AVEN: variants seen among roughly 807,000 people sequenced by gnomAD.
AVEN encodes apoptosis and caspase activation inhibitor, also known as cell death regulator Aven.
AVEN carries 41 observed loss-of-function variants against 38.1 expected under a neutral mutation model. The ratio of observed to expected loss-of-function variants is 1.08; its 90% CI spans 0.84 to 1.40. AVEN has a LOEUF of 1.40. AVEN is among the 40% of genes most tolerant of loss of function. The pLI is 0.00. For missense variants in AVEN, 605 were observed against 438.8 expected (o/e 1.38, Z -3.38); for synonymous variants, 206 against 171.8 (o/e 1.20, Z -1.56).
At chr15:33,904,686 A>AT (rs1384150635) in intron 2 of AVEN, among the ~76,000 whole-genome samples, 1 of 12,068 alleles carries the variant, frequency 8.3e-5, no homozygotes, top group African/African-American at 9.0e-5. Context: ...TTTCTTTAAA[A>AT]AAAAAAAAAT....
chr15:33,957,139 G>C (rs1567433006), intron 2 of AVEN, among the ~76,000 whole-genome samples: 1 of 152,172 alleles, frequency 6.6e-6, no homozygotes, highest in Non-Finnish European at 1.5e-5. Context: ...CCCTTCTATG[G>C]CTAATATATG....
chr15:33,955,325 T>A (rs1894914681), intron 2 of AVEN, among the ~76,000 whole-genome samples: 1 of 152,222 alleles, frequency 6.6e-6, no homozygotes, highest in South Asian at 2.1e-4. Flanking sequence ...TAAATCAAGT[T>A]AACTTGTTGG....
chr15:33,860,555 C>G lies in AVEN; in HGVS notation n.2730-1461G>C, dbSNP rs2303309. The G allele has an allele frequency of 4.6e-6, 6 of 1,294,850 alleles. No homozygotes were observed. The African/African-American group carries it at 5.8e-5, about 13-fold the overall frequency. 80.2% of individuals were successfully genotyped at this position (1,294,850 alleles called of 1,614,324 possible). Reference sequence around the variant, plus strand: ...CTTTATCATTCCTCTACCCCTGAACCACTACACAGATTGCTTTGTCTTTGT... The same window carrying G: ...CTTTATCATTCCTCTACCCCTGAACGACTACACAGATTGCTTTGTCTTTGT... On this transcript the variant is annotated intron_variant and non_coding_transcript_variant, in intron 11 of 11. Transcript: ENST00000675287.
At chr15:33,890,148 T>G (rs1891875690) in intron 2 of AVEN, among the ~76,000 whole-genome samples, 1 of 152,218 alleles carries the variant, frequency 6.6e-6, no homozygotes, top group African/African-American at 2.4e-5. Context: ...TTTTACTTCC[T>G]CAAGGGATAA....
At chr15:34,052,152 A>G (rs1057189722) in intron 5 of AVEN, among the ~76,000 whole-genome samples, 3 of 152,202 alleles carry the variant, frequency 2.0e-5, no homozygotes, top group African/African-American at 7.2e-5. Context: ...ATCCACCACA[A>G]TCAAGTTGGC....
rs1332071920 is a variant in AVEN at position 33,869,299 on chromosome 15, T to C, written c.613-1444A>G. 7.2e-5 allele frequency among the ~76,000 whole-genome samples: 11 copies of C among 152,246 alleles called. No homozygotes were observed. The East Asian group carries it at 2.1e-3, about 29-fold the overall frequency. On this transcript the variant is annotated intron_variant, in intron 4 of 5. Coordinates refer to ENST00000306730, the MANE Select transcript of AVEN (RefSeq NM_020371.3). ...CTCTACAGCATGGGTGGGGGAGAAA[T>C]GTTTCTAAGTGATTTAGCCAGGATT...
At chr15:34,066,966 T>A (rs1427530709) in intron 2 of AVEN, 1 of 152,104 alleles carries the variant, frequency 6.6e-6, no homozygotes, top group Non-Finnish European at 1.5e-5. Context: ...GAATAGCGGC[T>A]TTAGTGGGGT....
chr15:33,901,143 TGTA>T (rs1555505561), intron 2 of AVEN, among the ~76,000 whole-genome samples: 1 of 152,142 alleles, frequency 6.6e-6, no homozygotes, highest in Non-Finnish European at 1.5e-5. Flanking sequence ...GGTAGGCGCC[TGTA>T]GTCACAGCTA....
chr15:34,064,337 A>T, intron 4 of AVEN: 1 of 1,595,226 alleles, frequency 6.3e-7, no homozygotes, highest in Non-Finnish European at 8.5e-7. Flanking sequence ...ACTCCTCTCG[A>T]AAGAACAATG....
upstream of AVEN, among the ~76,000 whole-genome samples, chr15:34,041,448 C>T (rs932558639): frequency 6.6e-6 from 1 of 152,150 alleles, no homozygotes; most frequent in African/African-American, 2.4e-5. Flanking sequence ...TAGTGAGAGA[C>T]GAGACCAGTG....
intron 2 of AVEN, among the ~76,000 whole-genome samples, chr15:33,918,457 GC>G (rs1893246915): frequency 8.9e-6 from 1 of 112,168 alleles, no homozygotes; most frequent in African/African-American, 3.9e-5. Context: ...TTAAATTACA[GC>G]TTTTTTTTTT....
Position 33,866,628 on chromosome 15 carries a change from G to C in AVEN, c.1074C>G (p.Asp358Glu), listed in dbSNP as rs1458868807. The change falls in exon 6 of 6, where the codon GAC becomes GAG. Residue 358 changes from aspartate (D) to glutamate (E), a missense_variant. By Grantham distance (45) the Asp-to-Glu change is conservative. Coordinates refer to ENST00000306730, the MANE Select transcript of AVEN (RefSeq NM_020371.3). ...TTTCCCCTTTTTAGGAAATCATGCT[G>C]TCCAACCAGTCTTCCAGCTCTTCCT... Reference protein sequence around the residue: ...VTEEELEDWLDSMIS With the variant: ...VTEEELEDWLESMIS The C allele has an allele frequency of 1.2e-6, 2 of 1,613,662 alleles. No homozygotes were observed. Among genetic ancestry groups the C allele is most frequent in the Admixed American group, 1.7e-5 (1 of 59,990 alleles).
intron 2 of AVEN, among the ~76,000 whole-genome samples, chr15:33,964,126 C>T (rs139058423): frequency 6.6e-6 from 1 of 151,650 alleles, no homozygotes; most frequent in African/African-American, 2.4e-5. Context: ...AAAAGTCTAC[C>T]GCCAGGACAT....
chr15:33,875,060 T>C (rs535055683), intron 3 of AVEN, among the ~76,000 whole-genome samples: 40 of 152,320 alleles, frequency 2.6e-4, no homozygotes, highest in African/African-American at 9.6e-4. Context: ...CCCCTCCTCG[T>C]AATCCGTATG....
At chr15:33,896,940 A>G (rs575353770) in intron 2 of AVEN, among the ~76,000 whole-genome samples, 166 of 152,354 alleles carry the variant, frequency 1.1e-3, no homozygotes, top group African/African-American at 3.8e-3. Context: ...CATTAGCACA[A>G]TAGCTAGCGT....
At chr15:33,942,690 A>T (rs1210209173) in intron 2 of AVEN, among the ~76,000 whole-genome samples, 1 of 152,160 alleles carries the variant, frequency 6.6e-6, no homozygotes, top group Non-Finnish European at 1.5e-5. Flanking sequence ...TGACTTCATG[A>T]TCCACCCACC....
chr15:33,859,858 C>T, intron 11 of AVEN: 1 of 1,055,610 alleles, frequency 9.5e-7, no homozygotes, highest in Non-Finnish European at 1.4e-6. Context: ...TTAGCAAGAA[C>T]TAATTTAGCA....
intron 2 of AVEN, among the ~76,000 whole-genome samples, chr15:33,924,407 G>A (rs151142036): frequency 6.6e-5 from 10 of 151,980 alleles, no homozygotes; most frequent in Non-Finnish European, 1.3e-4. Flanking sequence ...CTGGCACGAC[G>A]CAGTCTTGAC....
intron 2 of AVEN, among the ~76,000 whole-genome samples, chr15:33,988,961 T>A (rs922659427): frequency 6.6e-6 from 1 of 152,206 alleles, no homozygotes; most frequent in African/African-American, 2.4e-5. Flanking sequence ...CACATTTGAT[T>A]TTTTTTTCCT....
Sources: gnomAD v4.1 joint callset for allele counts (sites outside exome capture counted in the v4.1 genomes callset) on GRCh38, gnomAD v4.1.1 for gene constraint, MANE v1.5 for transcripts, NCBI Gene and HGNC (gene_info 2026-07-23, HGNC 2026-07-21) for gene names.